Variants in ATG101 observed in about 807,000 individuals in gnomAD.
ATG101 encodes the protein autophagy-related protein 101.
In ATG101, 6 loss-of-function variants were observed where a neutral mutation model predicts 16.7. The observed-to-expected ratio is 0.36, with a 90% CI of 0.20 to 0.71. The LOEUF is 0.71. ATG101 is among the 30% of genes least tolerant of loss of function. ATG101 has a pLI of 0.57. For synonymous variants in ATG101, 108 were observed against 118.1 expected, an observed-to-expected ratio of 0.91 and a Z score of 0.56; for missense variants, 200 against 292.5, an observed-to-expected ratio of 0.68 and a Z score of 2.31.
chr12:52,068,035 G>A (rs10783487), upstream of ATG101, among the ~76,000 whole-genome samples: 30,071 of 150,620 alleles, frequency 0.2, 3,927 homozygotes, highest in East Asian at 0.43. Context: ...AAAAGCATGT[G>A]TTAGAAAAAT....
chr12:52,067,887 T>C (rs1489294232), upstream of ATG101, among the ~76,000 whole-genome samples: 2 of 148,600 alleles, frequency 1.3e-5, no homozygotes, highest in African/African-American at 5.0e-5. Flanking sequence ...TGAGCCACCA[T>C]GCCCGGCCCA....
chr12:52,076,240 G>C (rs918959742), intron 3 of ATG101, among the ~76,000 whole-genome samples: 1 of 152,162 alleles, frequency 6.6e-6, no homozygotes, highest in African/African-American at 2.4e-5. Context: ...AAATGTTGAC[G>C]AGGTGATTAG....
At chr12:52,066,026 C>A (rs192967049), upstream of ATG101, among the ~76,000 whole-genome samples, 65 of 152,176 alleles carry the variant, frequency 4.3e-4, no homozygotes, top group African/African-American at 1.5e-3. Flanking sequence ...TACAGGCATG[C>A]GCCACCACAC....
chr12:52,074,635 C>T (rs1366317530), intron 3 of ATG101, among the ~76,000 whole-genome samples: 1 of 151,416 alleles, frequency 6.6e-6, no homozygotes, highest in African/African-American at 2.4e-5. Flanking sequence ...CACAGGTGTA[C>T]ACCACCACCA....
At chr12:52,068,779 T>G (rs1027747122), upstream of ATG101, among the ~76,000 whole-genome samples, 44 of 151,486 alleles carry the variant, frequency 2.9e-4, no homozygotes, top group African/African-American at 9.2e-4. Flanking sequence ...GAGGTCAGGA[T>G]ATCGAGACCA....
chr12:52,075,689 G>C (rs1939720377), intron 3 of ATG101, among the ~76,000 whole-genome samples: 2 of 152,238 alleles, frequency 1.3e-5, no homozygotes, highest in South Asian at 4.1e-4. Flanking sequence ...TCACACCCAT[G>C]GGGTGGCAAG....
chr12:52,066,565 C>T (rs192337722), upstream of ATG101, among the ~76,000 whole-genome samples: 187 of 152,318 alleles, frequency 1.2e-3, no homozygotes, highest in South Asian at 2.9e-3. Context: ...TTAAGCATCA[C>T]AGGAAACCAC....
At chr12:52,074,046 A>G in intron 3 of ATG101, 144 bp downstream of exon 3, 1 of 1,244,814 alleles carries the variant, frequency 8.0e-7, no homozygotes, top group Non-Finnish European at 1.1e-6. Flanking sequence ...TCTGAGAAAC[A>G]GATGTGTTGA....
chr12:52,074,252 C>T (rs913591946), intron 3 of ATG101, among the ~76,000 whole-genome samples: 1 of 152,200 alleles, frequency 6.6e-6, no homozygotes, highest in African/African-American at 2.4e-5. Flanking sequence ...TCCACTTTTC[C>T]TTTCCCACAT....
intron 3 of ATG101, among the ~76,000 whole-genome samples, chr12:52,076,110 A>G (rs1014100470): frequency 6.6e-5 from 10 of 152,192 alleles, no homozygotes; most frequent in African/African-American, 2.2e-4. Context: ...GTGAGCCATG[A>G]TTGCTCCACT....
intron 3 of ATG101, among the ~76,000 whole-genome samples, chr12:52,075,700 G>A (rs1939720679): frequency 6.6e-6 from 1 of 152,194 alleles, no homozygotes; most frequent in Admixed American, 6.5e-5. Flanking sequence ...GGGTGGCAAG[G>A]GCAGAATCAT....
At chr12:52,071,193 TC>T (rs1939645114) in intron 2 of ATG101, 1 of 152,186 alleles carries the variant, frequency 6.6e-6, no homozygotes, top group East Asian at 1.9e-4. Context: ...CTCTGTGCGG[TC>T]CACAGACCGT....
Position 52,077,079 on chromosome 12 carries a change from G to C in ATG101, c.546G>C (p.Leu182Phe). The change falls in exon 4 of 4, where the codon TTG becomes TTC. Residue 182 changes from leucine (L) to phenylalanine (F), a missense_variant. Coordinates refer to ENST00000336854, the MANE Select transcript of ATG101 (RefSeq NM_021934.5). The part of the protein sequence containing the change: ...SEVDNVFDTG[L>F]RDVQPYLYKI... ...TGGATAACGTGTTTGACACAGGCTT[G>C]CGGGACGTGCAGCCCTACCTGTACA... 1 of 1,614,174 alleles carries C rather than the reference G, an allele frequency of 6.2e-7. No individual in the cohort carries two copies. Among genetic ancestry groups the C allele is most frequent in the Non-Finnish European group, 8.5e-7 (1 of 1,180,034 alleles).
intron 3 of ATG101, 56 bp from the exon 4 acceptor site, chr12:52,076,730 C>G (rs1431509032): frequency 6.4e-7 from 1 of 1,574,746 alleles, no homozygotes; most frequent in Admixed American, 1.7e-5. Flanking sequence ...GGAAGCAGGC[C>G]CTCACAGGTG....
chr12:52,071,023 GA>G (rs1414290013), intron 2 of ATG101: 2 of 152,206 alleles, frequency 1.3e-5, no homozygotes, highest in Non-Finnish European at 2.9e-5. Context: ...AAGGTACTAG[GA>G]ATTACCATTA....
chr12:52,071,498 AAGTGG>A (rs1368300120), intron 2 of ATG101: 3 of 152,202 alleles, frequency 2.0e-5, no homozygotes. Context: ...CTAAAACTAA[AAGTGG>A]TTTGAAGCAC....
upstream of ATG101, among the ~76,000 whole-genome samples, chr12:52,065,388 C>T (rs1250256197): frequency 6.6e-6 from 1 of 151,298 alleles, no homozygotes; most frequent in African/African-American, 2.4e-5. Flanking sequence ...ATTACAAGGG[C>T]CTGGCATGTG....
At chr12:52,072,996 AC>A (rs1241158947) in intron 2 of ATG101, among the ~76,000 whole-genome samples, 3 of 152,074 alleles carry the variant, frequency 2.0e-5, no homozygotes, top group Non-Finnish European at 2.9e-5. Context: ...CTGGTCTTGA[AC>A]TTTTGAGCTC....
At chr12:52,069,609 C>G (rs1172699086), upstream of ATG101, 1 of 152,248 alleles carries the variant, frequency 6.6e-6, no homozygotes, top group Non-Finnish European at 1.5e-5. Flanking sequence ...GCCAGGCTCG[C>G]CGCCGATGAC....
Sources: gnomAD v4.1 joint callset for allele counts (sites outside exome capture counted in the v4.1 genomes callset) on GRCh38, gnomAD v4.1.1 for gene constraint, MANE v1.5 for transcripts, NCBI Gene and HGNC (gene_info 2026-07-23, HGNC 2026-07-21) for gene names.